The following KATNA1 variants were observed in gnomAD, a reference collection of about 807,000 sequenced individuals.
KATNA1 encodes the protein katanin p60 ATPase-containing subunit A1.
In KATNA1, 42 loss-of-function variants were observed where a neutral mutation model predicts 62.6. The observed-to-expected ratio is 0.67, with a 90% CI of 0.52 to 0.87. KATNA1 has a LOEUF of 0.87. Ranked by LOEUF, KATNA1 falls within the 40% of genes least tolerant of loss-of-function variation. KATNA1 has a pLI of 0.00. For missense variants in KATNA1, 498 were observed against 612.5 expected (o/e 0.81, Z 1.97); for synonymous variants, 186 against 201.9 (o/e 0.92, Z 0.67).
intron 1 of KATNA1, among the ~76,000 whole-genome samples, chr6:149,645,345 AGGCAGGAGAAT>A (rs1780443264): frequency 6.6e-6 from 1 of 151,938 alleles, no homozygotes; most frequent in Non-Finnish European, 1.5e-5. Context: ...TGGGAGGCTG[AGGCAGGAGAAT>A]GGCATGAACC....
Position 149,605,757 on chromosome 6 carries a change from C to CTTTA in KATNA1, c.502-979_502-976dup, listed in dbSNP as rs367970953. 8.7e-3 allele frequency among the ~76,000 whole-genome samples: 1,323 copies of CTTTA among 151,946 alleles called. 11 individuals are homozygous for CTTTA. The highest frequency in any genetic ancestry group is 0.019 in the African/African-American group (780 of 41,412). The stretch of plus-strand genomic sequence containing the variant: ...ACTGCTATACTCCTCTTCAATAATG[C>CTTTA]TTTATTTATTTATTTATTTATTTAT... On this transcript the variant is annotated intron_variant, in intron 4 of 10. Coordinates refer to ENST00000367411, the MANE Select transcript of KATNA1 (RefSeq NM_007044.4).
intron 2 of KATNA1, among the ~76,000 whole-genome samples, chr6:149,633,892 G>C (rs923142224): frequency 6.6e-6 from 1 of 152,202 alleles, no homozygotes; most frequent in East Asian, 1.9e-4. Context: ...GGAGGCGGAG[G>C]TTGCGGCAAG....
chr6:149,624,252 G>C (rs1171274819), intron 3 of KATNA1, among the ~76,000 whole-genome samples: 1 of 151,742 alleles, frequency 6.6e-6, no homozygotes, highest in Non-Finnish European at 1.5e-5. Context: ...TTCGGATCAG[G>C]GAAGCTCAAT....
chr6:149,612,843 A>G (rs1264238686), intron 4 of KATNA1, among the ~76,000 whole-genome samples: 1 of 152,162 alleles, frequency 6.6e-6, no homozygotes, highest in Non-Finnish European at 1.5e-5. Context: ...TTAAGAGACT[A>G]AAGAAAAAGA....
chr6:149,604,084 GT>G (rs1778646918), intron 5 of KATNA1, among the ~76,000 whole-genome samples: 2 of 152,184 alleles, frequency 1.3e-5, no homozygotes, highest in Admixed American at 1.3e-4. Flanking sequence ...TTGATTACAT[GT>G]AATATTAATC....
At chr6:149,641,246 G>A (rs565738685) in intron 1 of KATNA1, among the ~76,000 whole-genome samples, 241 of 149,724 alleles carry the variant, frequency 1.6e-3, no homozygotes, top group Non-Finnish European at 2.7e-3. Flanking sequence ...GCATGTTCTC[G>A]GCTCACTGCA....
chr6:149,609,472 G>C (rs1441692090), intron 4 of KATNA1, among the ~76,000 whole-genome samples: 2 of 151,862 alleles, frequency 1.3e-5, no homozygotes, highest in African/African-American at 4.8e-5. Flanking sequence ...AAGACTGCTT[G>C]AGCTCAAGAC....
chr6:149,619,717 G>C (rs1450229617), intron 4 of KATNA1, among the ~76,000 whole-genome samples: 1 of 152,152 alleles, frequency 6.6e-6, no homozygotes, highest in Non-Finnish European at 1.5e-5. Flanking sequence ...ACTATGAACA[G>C]TATGGAGGTT....
At chr6:149,603,415 C>T (rs758790101) in intron 5 of KATNA1, 42 bp from the exon 6 acceptor site, 1 of 899,502 alleles carries the variant, frequency 1.1e-6, no homozygotes, top group South Asian at 1.5e-5. Context: ...TTAGATGATA[C>T]ATGTCTATGC....
chr6:149,639,109 G>C (rs941136426), intron 1 of KATNA1, among the ~76,000 whole-genome samples: 2 of 152,080 alleles, frequency 1.3e-5, no homozygotes, highest in Non-Finnish European at 1.5e-5. Flanking sequence ...AGACCAGCCT[G>C]GCCAATATGG....
chr6:149,642,607 T>C (rs964226119), intron 1 of KATNA1, among the ~76,000 whole-genome samples: 4 of 152,152 alleles, frequency 2.6e-5, no homozygotes, highest in African/African-American at 9.7e-5. Flanking sequence ...AAGCAATGAA[T>C]AAAATTTACA....
chr6:149,631,365 C>T, intron 3 of KATNA1: 1 of 152,318 alleles, frequency 6.6e-6, no homozygotes, highest in Non-Finnish European at 1.5e-5. Context: ...TGCCACTGCA[C>T]TCCAGCCCAG....
chr6:149,645,278 C>A (rs555940047), intron 1 of KATNA1, among the ~76,000 whole-genome samples: 33 of 151,940 alleles, frequency 2.2e-4, no homozygotes, highest in Non-Finnish European at 4.6e-4. Flanking sequence ...CCCATCTCTA[C>A]TAAAAATACA....
chr6:149,597,732 T>G (rs1274695558), intron 8 of KATNA1, 91 bp from the exon 9 acceptor site: 3 of 1,203,820 alleles, frequency 2.5e-6, no homozygotes, highest in Non-Finnish European at 3.6e-6. Context: ...AACTATTTAG[T>G]ACAACAATAC....
At chr6:149,633,100 ATTTT>A (rs368739065) in intron 2 of KATNA1, among the ~76,000 whole-genome samples, 184 bp from the exon 3 acceptor site, 1 of 120,742 alleles carries the variant, frequency 8.3e-6, no homozygotes. Context: ...TTCAATTGCA[ATTTT>A]TTTTTTTTTT....
At chr6:149,603,810 AAG>A (rs1778637876) in intron 5 of KATNA1, among the ~76,000 whole-genome samples, 1 of 152,210 alleles carries the variant, frequency 6.6e-6, no homozygotes, top group African/African-American at 2.4e-5. Flanking sequence ...CAGCTTTACT[AAG>A]AGGTAGATGC....
rs182310144 is a variant in KATNA1 at position 149,621,185 on chromosome 6, G to A, written c.501+1918C>T. On this transcript the variant is annotated intron_variant, in intron 4 of 10. Transcript: ENST00000367411. ...GTCTCCCAGGCTGGAGTGCAGTGGC[G>A]CGATCTTAGGTCACTGCAAGCTCCA... 5.5e-3 allele frequency among the ~76,000 whole-genome samples: 819 copies of A among 149,694 alleles called. 5 individuals are homozygous for A. The highest frequency in any genetic ancestry group is 8.1e-3 in the Non-Finnish European group (551 of 67,642).
At chr6:149,623,415 C>T (rs1779485766) in intron 3 of KATNA1, 132 bp from the exon 4 acceptor site, 2 of 585,174 alleles carry the variant, frequency 3.4e-6, no homozygotes, top group Non-Finnish European at 5.5e-6. Flanking sequence ...ACTGAATAAA[C>T]TTCAGGATGT....
At chr6:149,644,016 G>A (rs964529565) in intron 1 of KATNA1, among the ~76,000 whole-genome samples, 4 of 151,738 alleles carry the variant, frequency 2.6e-5, no homozygotes, top group South Asian at 2.1e-4. Flanking sequence ...CCAAGAGTTC[G>A]TAACCTTGTC....
Sources: allele counts gnomAD v4.1 joint callset (sites outside exome capture counted in the v4.1 genomes callset), GRCh38; gene constraint gnomAD v4.1.1; transcripts MANE v1.5; gene names NCBI Gene and HGNC (gene_info 2026-07-23, HGNC 2026-07-21).